Variants in TEC observed in about 807,000 individuals in gnomAD.
TEC encodes tec protein tyrosine kinase, also known as tyrosine-protein kinase Tec.
In TEC, 72 loss-of-function variants were observed where a neutral mutation model predicts 93.0. The observed-to-expected ratio is 0.77, with a 90% CI of 0.64 to 0.94. TEC has a LOEUF of 0.94. Among genes scored for constraint, TEC ranks in the 40% least tolerant of loss-of-function variants. The pLI, the probability that TEC is intolerant of heterozygous loss-of-function variation, is 0.00. For missense variants in TEC, 630 were observed against 757.9 expected (o/e 0.83, Z 1.98); for synonymous variants, 249 against 247.7 (o/e 1.01, Z -0.05).
intron 1 of TEC, among the ~76,000 whole-genome samples, chr4:48,244,343 A>G (rs1164444481): frequency 1.3e-5 from 2 of 152,354 alleles, no homozygotes; most frequent in South Asian, 2.1e-4. Context: ...GGGAAGCCTC[A>G]CAATCATGGT....
intron 2 of TEC, among the ~76,000 whole-genome samples, chr4:48,186,982 G>T (rs535742185): frequency 6.6e-6 from 1 of 152,254 alleles, no homozygotes. Context: ...CGTTTTTGTC[G>T]AATAGAAAAG....
Position 48,170,393 on chromosome 4 carries a change from T to C in TEC, c.326-17A>G, listed in dbSNP as rs375175694. 2.6e-5 allele frequency: 34 copies of C among 1,286,274 alleles called. No individual in the cohort carries two copies. Among genetic ancestry groups the C allele is most frequent in the African/African-American group, 1.2e-4 (8 of 66,806 alleles). The allele number at this position is 1,286,274 out of a possible 1,614,324, so 79.7% of individuals were successfully genotyped here. On this transcript the variant is annotated splice_polypyrimidine_tract_variant and intron_variant, in intron 4 of 17. Transcript: ENST00000381501. The stretch of plus-strand genomic sequence containing the variant: ...TCTTTATTTCTGTAATTCACAGATA[T>C]AGTAATTAATAGTGAAATACAAAAG...
At position 48,164,903 on chromosome 4, in the gene TEC, C is replaced by T. The variant is rs562897308; in HGVS notation, c.672-1136G>A. Among the ~76,000 whole-genome samples the T allele has an allele frequency of 7.2e-5, 11 of 151,742 alleles. No individual in the cohort carries two copies. The South Asian group carries it at 1.3e-3, about 17-fold the overall frequency. ...CTATAATTCCAGCTACTTGGGAGGC[C>T]GAGGCACAAGAATCACTTGAACCTA... is the stretch of plus-strand genomic sequence containing the variant. On this transcript the variant is annotated intron_variant, in intron 7 of 17. Coordinates refer to ENST00000381501, the MANE Select transcript of TEC (RefSeq NM_003215.3).
chr4:48,248,796 T>A (rs1270948578), intron 1 of TEC, among the ~76,000 whole-genome samples: 3 of 151,890 alleles, frequency 2.0e-5, no homozygotes, highest in Non-Finnish European at 1.5e-5. Context: ...TGTATACTCA[T>A]CAGGTGGAAA....
At chr4:48,252,780 T>G (rs1724238133) in intron 1 of TEC, among the ~76,000 whole-genome samples, 1 of 152,200 alleles carries the variant, frequency 6.6e-6, no homozygotes, top group South Asian at 2.1e-4. Flanking sequence ...TGATAACATG[T>G]GCTTATATTA....
chr4:48,151,073 G>A, intron 9 of TEC, 131 bp from the exon 10 acceptor site: 1 of 579,800 alleles, frequency 1.7e-6, no homozygotes, highest in Non-Finnish European at 2.8e-6. Flanking sequence ...CTTTGAAGAA[G>A]CACAACTTAC....
intron 8 of TEC, among the ~76,000 whole-genome samples, chr4:48,163,238 A>C (rs951081190): frequency 1.3e-5 from 2 of 152,226 alleles, no homozygotes; most frequent in African/African-American, 4.8e-5. Flanking sequence ...AAAGAATATT[A>C]AAGTGTATGA....
At chr4:48,199,735 G>C (rs1303365499) in intron 2 of TEC, among the ~76,000 whole-genome samples, 1 of 152,026 alleles carries the variant, frequency 6.6e-6, no homozygotes, top group Non-Finnish European at 1.5e-5. Flanking sequence ...CCAAAGTGCT[G>C]GGATTACAGG....
intron 2 of TEC, among the ~76,000 whole-genome samples, chr4:48,204,420 A>G (rs1722634972): frequency 6.6e-6 from 1 of 152,188 alleles, no homozygotes; most frequent in African/African-American, 2.4e-5. Flanking sequence ...CTCCACTGGG[A>G]GAGGACTCCT....
chr4:48,244,734 A>G (rs1724009439), intron 1 of TEC, among the ~76,000 whole-genome samples: 1 of 152,206 alleles, frequency 6.6e-6, no homozygotes, highest in Non-Finnish European at 1.5e-5. Context: ...GCCTTCCCCA[A>G]GCTCACACTT....
At chr4:48,254,548 A>G (rs1399200577) in intron 1 of TEC, among the ~76,000 whole-genome samples, 2 of 152,242 alleles carry the variant, frequency 1.3e-5, no homozygotes, top group Non-Finnish European at 2.9e-5. Flanking sequence ...TTGAGAGTAC[A>G]TAGAAAGACA....
intron 2 of TEC, among the ~76,000 whole-genome samples, chr4:48,224,975 G>A (rs1463339117): frequency 6.6e-6 from 1 of 152,090 alleles, no homozygotes; most frequent in African/African-American, 2.4e-5. Context: ...TAGATCAATC[G>A]ACAGCCTCCT....
chr4:48,138,619 C>T, intron 17 of TEC, 46 bp downstream of exon 17: 1 of 1,558,504 alleles, frequency 6.4e-7, no homozygotes, highest in Non-Finnish European at 8.7e-7. Flanking sequence ...TCTACCAAGC[C>T]CAATCCCTAA....
chr4:48,164,192 A>G (rs1316572136), intron 7 of TEC, among the ~76,000 whole-genome samples: 1 of 152,230 alleles, frequency 6.6e-6, no homozygotes, highest in Non-Finnish European at 1.5e-5. Flanking sequence ...TACTTGAGAA[A>G]AGTCAAAGTG....
At chr4:48,239,030 T>G (rs1159550821) in intron 1 of TEC, among the ~76,000 whole-genome samples, 1 of 152,212 alleles carries the variant, frequency 6.6e-6, no homozygotes, top group Non-Finnish European at 1.5e-5. Flanking sequence ...CTATCTTATT[T>G]TAGAAATTAT....
At chr4:48,264,134 C>T (rs1372084109) in intron 1 of TEC, among the ~76,000 whole-genome samples, 3 of 152,098 alleles carry the variant, frequency 2.0e-5, no homozygotes, top group African/African-American at 7.2e-5. Flanking sequence ...ATAGCAAAAA[C>T]ATTTTGGTGG....
chr4:48,255,764 T>C (rs1724324695), intron 1 of TEC, among the ~76,000 whole-genome samples: 2 of 152,214 alleles, frequency 1.3e-5, no homozygotes. Context: ...CATAAATTGC[T>C]AAGCACAATG....
chr4:48,160,517 A>C, intron 8 of TEC, among the ~76,000 whole-genome samples: 1 of 152,098 alleles, frequency 6.6e-6, no homozygotes, highest in Non-Finnish European at 1.5e-5. Flanking sequence ...ACTTCAGGTC[A>C]AGAGTTTGAG....
At chr4:48,248,689 T>C (rs773700726) in intron 1 of TEC, among the ~76,000 whole-genome samples, 2 of 152,192 alleles carry the variant, frequency 1.3e-5, no homozygotes, top group Non-Finnish European at 2.9e-5. Flanking sequence ...ACAAATCACA[T>C]TGAGCACTGT....
Sources: gnomAD v4.1 joint callset for allele counts (sites outside exome capture counted in the v4.1 genomes callset) on GRCh38, gnomAD v4.1.1 for gene constraint, MANE v1.5 for transcripts, NCBI Gene and HGNC (gene_info 2026-07-23, HGNC 2026-07-21) for gene names.